Variants in SGCZ observed in about 807,000 individuals in gnomAD.
SGCZ encodes sarcoglycan zeta.
In SGCZ, 40 loss-of-function variants were observed where a neutral mutation model predicts 41.3. The ratio of observed to expected loss-of-function variants is 0.97; its 90% CI spans 0.75 to 1.26. The LOEUF is 1.26. Ranked by LOEUF, SGCZ falls within the 50% of genes most tolerant of loss-of-function variation. The pLI, the probability that SGCZ is intolerant of heterozygous loss-of-function variation, is 0.00. For synonymous variants in SGCZ, 206 were observed against 137.5 expected (o/e 1.50, Z -3.49); for missense variants, 552 against 369.8 (o/e 1.49, Z -4.04).
intron 1 of SGCZ, among the ~76,000 whole-genome samples, chr8:15,002,873 G>C (rs980921205): frequency 1.3e-5 from 2 of 152,142 alleles, no homozygotes; most frequent in Non-Finnish European, 2.9e-5. Context: ...CATGCCATAG[G>C]AGGGACCCTG....
intron 1 of SGCZ, among the ~76,000 whole-genome samples, chr8:15,008,934 A>G (rs1802721232): frequency 6.6e-6 from 1 of 152,164 alleles, no homozygotes; most frequent in African/African-American, 2.4e-5. Context: ...GTTGGTTAAT[A>G]ACATACACAA....
rs1017190377 is a variant in SGCZ, at chr8:14,220,734, C to G, written c.424+16858G>C. Among the ~76,000 whole-genome samples, 3 of 151,932 alleles carry G rather than the reference C, an allele frequency of 2.0e-5. No homozygotes were observed. In the East Asian group the frequency reaches 5.8e-4, roughly 29 times the overall value. ...CCCGGGAGGCGGAGCTTGCAGTGAG[C>G]TGAGATGACACCACTGCACTCCAGC... On this transcript the variant is annotated intron_variant, in intron 4 of 7. Transcript: ENST00000382080.
intron 2 of SGCZ, among the ~76,000 whole-genome samples, chr8:14,496,366 G>T (rs1221187464): frequency 6.6e-6 from 1 of 152,070 alleles, no homozygotes; most frequent in Non-Finnish European, 1.5e-5. Flanking sequence ...AACATGCCTG[G>T]CCTCCTCTAG....
intron 3 of SGCZ, among the ~76,000 whole-genome samples, chr8:14,300,563 G>T (rs889881352): frequency 1.3e-5 from 2 of 151,830 alleles, no homozygotes; most frequent in African/African-American, 4.8e-5. Flanking sequence ...GTATATGTAA[G>T]ATTGTTATGA....
chr8:14,103,168 C>T (rs1429701147), intron 6 of SGCZ, among the ~76,000 whole-genome samples: 1 of 151,820 alleles, frequency 6.6e-6, no homozygotes, highest in Non-Finnish European at 1.5e-5. Context: ...AGTACAAATG[C>T]GATTGAAGGT....
At chr8:14,321,011 T>C (rs1801899570) in intron 3 of SGCZ, among the ~76,000 whole-genome samples, 1 of 152,056 alleles carries the variant, frequency 6.6e-6, no homozygotes, top group African/African-American at 2.4e-5. Flanking sequence ...AGTCTGAAGA[T>C]TAGGTGTCCT....
intron 5 of SGCZ, among the ~76,000 whole-genome samples, chr8:14,109,814 C>A (rs1040937476): frequency 5.9e-5 from 9 of 151,978 alleles, no homozygotes; most frequent in African/African-American, 2.2e-4. Context: ...TATATGATTT[C>A]ATCTATATTA....
rs887084303 is a variant in SGCZ, at chr8:14,388,977, C to A, written c.235-64773G>T. Among the ~76,000 whole-genome samples the A allele has an allele frequency of 2.0e-5, 3 of 151,930 alleles. No homozygotes were observed. In the East Asian group the frequency reaches 5.8e-4, roughly 29 times the overall value. ...TTGTACAATAAATATCTTTTAAAAT[C>A]TATTTCACAGACAAGAAAAAAGCAT... On this transcript the variant is annotated intron_variant, in intron 2 of 7. Transcript: ENST00000382080.
chr8:14,883,486 A>G (rs1025116403), intron 1 of SGCZ, among the ~76,000 whole-genome samples: 1 of 152,176 alleles, frequency 6.6e-6, no homozygotes, highest in Non-Finnish European at 1.5e-5. Context: ...GAAGAAAAAA[A>G]ACTAAGAGTT....
intron 1 of SGCZ, among the ~76,000 whole-genome samples, chr8:15,043,023 C>T (rs1280509366): frequency 6.6e-6 from 1 of 152,176 alleles, no homozygotes; most frequent in Non-Finnish European, 1.5e-5. Context: ...TAATTTCCCT[C>T]ACCACCTAAC....
At chr8:14,217,260 C>G (rs2410165) in intron 4 of SGCZ, among the ~76,000 whole-genome samples, 70,210 of 138,294 alleles carry the variant, frequency 0.51, 18,787 homozygotes, top group South Asian at 0.74. Context: ...TGCACCACTG[C>G]ACTCCAGCCT....
At chr8:14,883,158 T>C (rs1052256496) in intron 1 of SGCZ, among the ~76,000 whole-genome samples, 1 of 151,666 alleles carries the variant, frequency 6.6e-6, no homozygotes, top group East Asian at 1.9e-4. Flanking sequence ...TTTAAAACTA[T>C]CTCATCTGGT....
At chr8:14,167,731 G>A (rs1030395548) in intron 4 of SGCZ, among the ~76,000 whole-genome samples, 3 of 152,098 alleles carry the variant, frequency 2.0e-5, no homozygotes, top group Admixed American at 6.6e-5. Context: ...CCATCACCAA[G>A]GACAAGCATA....
intron 5 of SGCZ, among the ~76,000 whole-genome samples, chr8:14,145,381 G>A (rs2116934750): frequency 1.3e-5 from 2 of 152,204 alleles, no homozygotes; most frequent in Admixed American, 1.3e-4. Context: ...TGCATTTACT[G>A]GGCTTGGGAT....
At chr8:14,217,423 T>C (rs1806038234) in intron 4 of SGCZ, among the ~76,000 whole-genome samples, 2 of 151,830 alleles carry the variant, frequency 1.3e-5, no homozygotes, top group South Asian at 2.1e-4. Context: ...GGCATAGATA[T>C]TGTATGGTAT....
At chr8:14,323,964 T>C (rs1802010530) in intron 3 of SGCZ, 139 bp downstream of exon 3, 3 of 569,228 alleles carry the variant, frequency 5.3e-6, no homozygotes, top group Non-Finnish European at 9.1e-6. Flanking sequence ...TGTTATCATT[T>C]TGATTTCTAA....
chr8:15,108,320 G>A (rs1023139006), intron 1 of SGCZ, among the ~76,000 whole-genome samples: 7 of 151,976 alleles, frequency 4.6e-5, no homozygotes, highest in Admixed American at 2.6e-4. Context: ...TTTATCAAAC[G>A]CAGAGGTAGG....
intron 1 of SGCZ, among the ~76,000 whole-genome samples, chr8:15,222,587 C>A (rs1036025536): frequency 2.6e-5 from 4 of 152,130 alleles, no homozygotes; most frequent in Non-Finnish European, 4.4e-5. Flanking sequence ...GAATTTTTCA[C>A]AATCATTTAT....
At position 14,398,726 on chromosome 8, in the gene SGCZ, T is replaced by C. The variant is rs1798988672; in HGVS notation, c.235-74522A>G. Among the ~76,000 whole-genome samples, 3 of 152,150 alleles carry C rather than the reference T, an allele frequency of 2.0e-5. No individual in the cohort carries two copies. In the South Asian group the frequency reaches 6.2e-4, roughly 31 times the overall value. On this transcript the variant is annotated intron_variant, in intron 2 of 7. Coordinates refer to ENST00000382080, the MANE Select transcript of SGCZ (RefSeq NM_139167.4). ...TGATTTACAGAAATAACATTATTTA[T>C]TGGATATGCATTGTTAAACTACAGA...
Sources: gnomAD v4.1 joint callset for allele counts (sites outside exome capture counted in the v4.1 genomes callset) on GRCh38, gnomAD v4.1.1 for gene constraint, MANE v1.5 for transcripts, NCBI Gene and HGNC (gene_info 2026-07-23, HGNC 2026-07-21) for gene names.